GUCY1B1: variants seen among roughly 807,000 people sequenced by gnomAD.
The protein encoded by GUCY1B1 is guanylate cyclase 1 soluble subunit beta 1.
In GUCY1B1, 43 loss-of-function variants were observed where a neutral mutation model predicts 71.0. That is an observed-to-expected ratio of 0.61 (90% CI 0.47 to 0.78). The LOEUF is 0.78. Ranked by LOEUF, GUCY1B1 falls within the 30% of genes least tolerant of loss-of-function variation. The pLI, the probability that GUCY1B1 is intolerant of heterozygous loss-of-function variation, is 0.00. For synonymous variants in GUCY1B1, 266 were observed against 259.7 expected (o/e 1.02, Z -0.23); for missense variants, 535 against 754.1 (o/e 0.71, Z 3.40).
chr4:155,764,929 T>C (rs1737230676), intron 2 of GUCY1B1, among the ~76,000 whole-genome samples: 1 of 152,090 alleles, frequency 6.6e-6, no homozygotes, highest in Non-Finnish European at 1.5e-5. Flanking sequence ...TGTGGGTGTT[T>C]CTTTTGAGTT....
intron 6 of GUCY1B1, among the ~76,000 whole-genome samples, chr4:155,794,515 G>A (rs746808552): frequency 6.6e-6 from 1 of 152,168 alleles, no homozygotes; most frequent in Non-Finnish European, 1.5e-5. Flanking sequence ...CAAAATGATA[G>A]AGATGATGAT....
At chr4:155,759,459 G>GCCCCCCGCGCCTCGC in intron 1 of GUCY1B1, 2 of 517,808 alleles carry the variant, frequency 3.9e-6, no homozygotes, top group Non-Finnish European at 6.7e-6. Flanking sequence ...AGTGTGGGAG[G>GCCCCCCGCGCCTCGC]CTGAGCGCCA....
chr4:155,785,431 G>C, intron 4 of GUCY1B1: 1 of 589,748 alleles, frequency 1.7e-6, no homozygotes, highest in Non-Finnish European at 3.0e-6. Flanking sequence ...AAGTGCTTCT[G>C]TGGGTATATT....
At position 155,806,862 on chromosome 4, in the gene GUCY1B1, C is replaced by T. The variant is rs1358593448; in HGVS notation, c.*453C>T. 1 of 153,426 alleles carries T rather than the reference C, an allele frequency of 6.5e-6. No individual in the cohort carries two copies. The highest frequency in any genetic ancestry group is 1.4e-5 in the Non-Finnish European group (1 of 69,110). The allele number at this position is 153,426 out of a possible 1,614,324, so 9.5% of individuals were successfully genotyped here. ...GACTATAATGTAATAAAGTTTATAT[C>T]ATGTTGGTGTATATCATTATAGAAA... On this transcript the variant is annotated 3_prime_UTR_variant, in exon 14 of 14. Coordinates refer to ENST00000264424, the MANE Select transcript of GUCY1B1 (RefSeq NM_000857.5).
chr4:155,765,255 T>G (rs555355267), intron 2 of GUCY1B1, among the ~76,000 whole-genome samples: 1 of 152,330 alleles, frequency 6.6e-6, no homozygotes, highest in South Asian at 2.1e-4. Context: ...AATGTTTCTC[T>G]TTAATGTGTT....
At chr4:155,768,515 A>G (rs1737497377) in intron 2 of GUCY1B1, among the ~76,000 whole-genome samples, 1 of 146,336 alleles carries the variant, frequency 6.8e-6, no homozygotes. Flanking sequence ...GATTTCATTA[A>G]TTCATTCACT....
chr4:155,767,190 A>G (rs183784335), intron 2 of GUCY1B1, among the ~76,000 whole-genome samples: 2 of 152,274 alleles, frequency 1.3e-5, no homozygotes, highest in African/African-American at 4.8e-5. Flanking sequence ...TTTAGCAAGG[A>G]CATGTGCCAT....
intron 2 of GUCY1B1, among the ~76,000 whole-genome samples, chr4:155,766,717 A>T (rs1364767580): frequency 1.3e-5 from 2 of 152,168 alleles, no homozygotes; most frequent in Non-Finnish European, 2.9e-5. Context: ...ATGTCAAAAG[A>T]CAATTACTAG....
At chr4:155,786,040 ACT>A (rs1401073424) in intron 4 of GUCY1B1, among the ~76,000 whole-genome samples, 1 of 151,754 alleles carries the variant, frequency 6.6e-6, no homozygotes, top group Non-Finnish European at 1.5e-5. Flanking sequence ...GATTGTGTCC[ACT>A]CTCTGACTTG....
intron 2 of GUCY1B1, among the ~76,000 whole-genome samples, chr4:155,773,158 T>C (rs1034498982): frequency 2.6e-5 from 4 of 152,232 alleles, no homozygotes; most frequent in African/African-American, 9.6e-5. Flanking sequence ...GGATTGAGAG[T>C]AAGAGGTTGA....
intron 3 of GUCY1B1, among the ~76,000 whole-genome samples, chr4:155,775,546 A>G (rs1737986481): frequency 6.6e-6 from 1 of 152,152 alleles, no homozygotes; most frequent in Admixed American, 6.5e-5. Flanking sequence ...TACCTGGCTC[A>G]GCCTCCGAAA....
Position 155,805,103 on chromosome 4 carries a change from A to T in GUCY1B1, c.1710A>T (p.Arg570Ser), listed in dbSNP as rs544545783. 28 of 1,610,930 alleles carry T rather than the reference A, an allele frequency of 1.7e-5. No individual in the cohort carries two copies. The South Asian group carries it at 2.2e-4, about 13-fold the overall frequency. The change falls in exon 13 of 14, where the codon AGA becomes AGT. Residue 570 changes from arginine (R) to serine (S), a missense_variant and splice_region_variant. Coordinates refer to ENST00000264424, the MANE Select transcript of GUCY1B1 (RefSeq NM_000857.5). ...CTACTCCCCTTCCCTTGTCTTTTAGATGTCTTATGTCTCCAGAAAATTCAG... is the reference window on the plus strand; with the variant it reads ...CTACTCCCCTTCCCTTGTCTTTTAGTTGTCTTATGTCTCCAGAAAATTCAG... ...GKINVSEYTY[R>S]CLMSPENSDP...
chr4:155,798,752 G>T (rs1408333480), intron 8 of GUCY1B1, among the ~76,000 whole-genome samples: 1 of 152,052 alleles, frequency 6.6e-6, no homozygotes, highest in East Asian at 1.9e-4. Flanking sequence ...TTATTATTCA[G>T]AGTGGCCAGA....
intron 4 of GUCY1B1, among the ~76,000 whole-genome samples, chr4:155,779,308 GTACA>G (rs1287303634): frequency 6.6e-6 from 1 of 152,002 alleles, no homozygotes; most frequent in Non-Finnish European, 1.5e-5. Context: ...ACATACATGT[GTACA>G]TACATACATA....
rs1030408221 is a variant in GUCY1B1 at position 155,795,332 on chromosome 4, A to G, written c.727-9A>G. 6 of 1,458,698 alleles carry G rather than the reference A, an allele frequency of 4.1e-6. No individual in the cohort carries two copies. The highest frequency in any genetic ancestry group is 2.8e-5 in the African/African-American group (2 of 71,806). 90.4% of individuals were successfully genotyped at this position (1,458,698 alleles called of 1,614,324 possible). ...ATGTGATACTCTTTGCTCTCTATCT[A>G]TATTTTAGCTCCAGCCTGGGAATTG... On this transcript the variant is annotated splice_polypyrimidine_tract_variant and intron_variant, in intron 6 of 13. Coordinates refer to ENST00000264424, the MANE Select transcript of GUCY1B1 (RefSeq NM_000857.5).
intron 1 of GUCY1B1, 105 bp downstream of exon 1, chr4:155,759,248 C>G (rs1158089382): frequency 4.3e-5 from 49 of 1,144,878 alleles, no homozygotes; most frequent in Non-Finnish European, 5.8e-5. Context: ...GGGCCCTGGG[C>G]GCTCACTGCC....
chr4:155,777,877 A>G (rs970991752), intron 4 of GUCY1B1, among the ~76,000 whole-genome samples: 3 of 152,178 alleles, frequency 2.0e-5, no homozygotes, highest in African/African-American at 7.2e-5. Context: ...CAAGTTGTAA[A>G]TTAATGTTCC....
chr4:155,768,456 GTTT>G (rs35462860), intron 2 of GUCY1B1, among the ~76,000 whole-genome samples: 29,832 of 128,752 alleles, frequency 0.23, 2,177 homozygotes, highest in African/African-American at 0.28. Context: ...TTACTTGTTT[GTTT>G]TTTTTTTTTT....
rs1249594508 is a variant in GUCY1B1 at position 155,807,388 on chromosome 4, C to G, written c.*979C>G. On this transcript the variant is annotated 3_prime_UTR_variant, in exon 14 of 14. Coordinates refer to ENST00000264424, the MANE Select transcript of GUCY1B1 (RefSeq NM_000857.5). Reference sequence around the variant, plus strand: ...CTTAGTTTACTTTCAGCATAGAATGCATTACTGTTGGAATAATTGGCCTCT... The same window carrying G: ...CTTAGTTTACTTTCAGCATAGAATGGATTACTGTTGGAATAATTGGCCTCT... 5.3e-5 allele frequency: 8 copies of G among 152,132 alleles called. No individual in the cohort carries two copies. In the South Asian group the frequency reaches 1.2e-3, roughly 24 times the overall value. 9.4% of individuals were successfully genotyped at this position (152,132 alleles called of 1,614,324 possible). A position where few individuals can be genotyped will look rare whatever the true frequency, so the allele number is the denominator to read the frequency against.
Sources: allele counts gnomAD v4.1 joint callset (sites outside exome capture counted in the v4.1 genomes callset), GRCh38; gene constraint gnomAD v4.1.1; transcripts MANE v1.5; gene names NCBI Gene and HGNC (gene_info 2026-07-23, HGNC 2026-07-21).